The following FAM72D variants were observed in gnomAD, a reference collection of about 807,000 sequenced individuals.
The protein encoded by FAM72D is RUMY family member 4, also known as protein FAM72D.
For missense variants in FAM72D, 9 were observed against 104.7 expected, an observed-to-expected ratio of 0.09 and a Z score of 3.99; for synonymous variants, 4 against 35.1, an observed-to-expected ratio of 0.11 and a Z score of 3.13.
chr1:145,102,010 G>A (rs1654731346), intron 2 of FAM72D, among the ~76,000 whole-genome samples: 1 of 123,434 alleles, frequency 8.1e-6, no homozygotes, highest in Non-Finnish European at 1.7e-5. Context: ...TTTTTTTAAA[G>A]TACTAGCTAA....
chr1:145,100,991 G>C (rs587740381), intron 2 of FAM72D, among the ~76,000 whole-genome samples: 1 of 150,518 alleles, frequency 6.6e-6, no homozygotes, highest in African/African-American at 2.5e-5. Context: ...GCCCAGGCTG[G>C]AGTGCAATGG....
chr1:145,107,229 G>T (rs1340429129), intron 3 of FAM72D, among the ~76,000 whole-genome samples: 1 of 148,452 alleles, frequency 6.7e-6, no homozygotes, highest in African/African-American at 2.5e-5. Flanking sequence ...AGGTGCTGAG[G>T]CACTGAAATA....
chr1:145,096,858 A>G lies in FAM72D; in HGVS notation c.11A>G (p.Asn4Ser). 2.9e-6 allele frequency: 3 copies of G among 1,037,494 alleles called. No individual in the cohort carries two copies. Among genetic ancestry groups the G allele is most frequent in the Non-Finnish European group, 4.0e-6 (3 of 745,602 alleles). The allele number at this position is 1,037,494 out of a possible 1,614,324, so 64.3% of individuals were successfully genotyped here. MST[N>S]ICSFKDRCVS... ...CCTTCCTGCGACGCCATGTCCACCA[A>G]CATTTGTAGTTTCAAGGACAGGTGC... Residue 4 changes from asparagine to serine, a missense_variant, in exon 1 of 4, where the codon AAC (asparagine) becomes AGC (serine). Asn to Ser is a conservative substitution (Grantham distance 46). Transcript: ENST00000400889.
rs1571199053 is a variant in FAM72D, at chr1:145,103,269, CCAGA to C, written c.355+141_355+144del. On this transcript the variant is annotated intron_variant, in intron 3 of 3. Coordinates refer to ENST00000400889, the MANE Select transcript of FAM72D (RefSeq NM_207418.3). ...AGAGTGAAACTTCAATTCTTTTTTCCCAGACATTCACTTATGAAAACTATTAGGC... is the reference window on the plus strand; with the variant it reads ...AGAGTGAAACTTCAATTCTTTTTTCCCATTCACTTATGAAAACTATTAGGC... 264 of 330,950 alleles carry C rather than the reference CCAGA, an allele frequency of 8.0e-4. 3 individuals carry two copies. In the East Asian group the frequency reaches 0.012, roughly 15 times the overall value. 20.5% of individuals were successfully genotyped at this position (330,950 alleles called of 1,614,324 possible). A position where few individuals can be genotyped will look rare whatever the true frequency, so the allele number is the denominator to read the frequency against.
At chr1:145,107,814 TC>T (rs1203324050) in intron 3 of FAM72D, among the ~76,000 whole-genome samples, 2 of 89,672 alleles carry the variant, frequency 2.2e-5, no homozygotes, top group African/African-American at 8.6e-5. Flanking sequence ...CACCTCAGCC[TC>T]CCAAAGTGCT....
At position 145,112,376 on chromosome 1, in the gene FAM72D, G is replaced by C. The variant is rs1459002708; in HGVS notation, c.*779G>C. On this transcript the variant is annotated 3_prime_UTR_variant, in exon 4 of 4. Coordinates refer to ENST00000400889, the MANE Select transcript of FAM72D (RefSeq NM_207418.3). Reference sequence around the variant, plus strand: ...ATCTTAAATAGAAAAAAAAACTAAAGCGATTTGCTTAAGCCATTGTACATT... The same window carrying C: ...ATCTTAAATAGAAAAAAAAACTAAACCGATTTGCTTAAGCCATTGTACATT... The C allele has an allele frequency of 6.6e-6, 1 of 151,350 alleles. No individual in the cohort carries two copies. The highest frequency in any genetic ancestry group is 2.4e-5 in the African/African-American group (1 of 41,014). The allele number at this position is 151,350 out of a possible 1,614,324, so 9.4% of individuals were successfully genotyped here.
intron 3 of FAM72D, among the ~76,000 whole-genome samples, chr1:145,107,255 T>TC (rs200296078): frequency 0.031 from 4,495 of 147,080 alleles, 171 homozygotes; most frequent in African/African-American, 0.1. Context: ...TCTTTTTTTT[T>TC]TTTTTTTGAG....
intron 2 of FAM72D, among the ~76,000 whole-genome samples, chr1:145,100,638 C>A (rs1235383128): frequency 7.1e-6 from 1 of 141,494 alleles, no homozygotes; most frequent in East Asian, 2.2e-4. Flanking sequence ...ACTACAGGCA[C>A]GCACCACCAT....
intron 3 of FAM72D, among the ~76,000 whole-genome samples, chr1:145,106,946 G>C (rs2102555118): frequency 1.1e-5 from 1 of 92,324 alleles, no homozygotes; most frequent in Admixed American, 1.1e-4. Context: ...GCAAGGCCAG[G>C]CATGGTGGCT....
At chr1:145,105,673 C>A (rs1429489450) in intron 3 of FAM72D, among the ~76,000 whole-genome samples, 1 of 150,544 alleles carries the variant, frequency 6.6e-6, no homozygotes, top group Non-Finnish European at 1.5e-5. Flanking sequence ...GAATAAGAGG[C>A]CGGGCGCGGT....
intron 3 of FAM72D, among the ~76,000 whole-genome samples, chr1:145,105,924 C>T (rs1253133972): frequency 1.4e-5 from 2 of 146,792 alleles, no homozygotes; most frequent in Non-Finnish European, 3.0e-5. Context: ...TGCACTCCAG[C>T]CTGGGCAACA....
rs1488156408 is a variant in FAM72D at position 145,102,197 on chromosome 1, A to G, written c.231-810A>G. Among the ~76,000 whole-genome samples the G allele has an allele frequency of 1.5e-4, 11 of 73,820 alleles. No homozygotes were observed. The East Asian group carries it at 3.4e-3, about 23-fold the overall frequency. The allele number at this position is 73,820 out of a possible 152,430, so 48.4% of individuals were successfully genotyped here. A position where few individuals can be genotyped will look rare whatever the true frequency, so the allele number is the denominator to read the frequency against. On this transcript the variant is annotated intron_variant, in intron 2 of 3. Coordinates refer to ENST00000400889, the MANE Select transcript of FAM72D (RefSeq NM_207418.3). Reference sequence around the variant, plus strand: ...TCTGAGTTCCTTCAAAAACACTGAGACTAAAATTAGAGCAGCCAGATTGTA... The same window carrying G: ...TCTGAGTTCCTTCAAAAACACTGAGGCTAAAATTAGAGCAGCCAGATTGTA...
rs1296242280 is a variant in FAM72D at position 145,102,105 on chromosome 1, A to C, written c.231-902A>C. Among the ~76,000 whole-genome samples the C allele has an allele frequency of 3.0e-5, 4 of 132,442 alleles. 1 individual carries two copies. The highest frequency in any genetic ancestry group is 1.2e-4 in the African/African-American group (4 of 32,266). 86.9% of individuals were successfully genotyped at this position (132,442 alleles called of 152,430 possible). A position where few individuals can be genotyped will look rare whatever the true frequency, so the allele number is the denominator to read the frequency against. On this transcript the variant is annotated intron_variant, in intron 2 of 3. Transcript: ENST00000400889. Reference sequence around the variant, plus strand: ...GTGAAAGACTGAGGTACTTATAATCAGCTGGATAATTCTGAAAACTGTAAA... The same window carrying C: ...GTGAAAGACTGAGGTACTTATAATCCGCTGGATAATTCTGAAAACTGTAAA...
At chr1:145,097,401 CAA>C (rs782382122) in intron 1 of FAM72D, among the ~76,000 whole-genome samples, 1 of 36,796 alleles carries the variant, frequency 2.7e-5, no homozygotes. Context: ...AATTTTGCAC[CAA>C]AAAAAAAAAA....
At chr1:145,094,748 CG>C, upstream of FAM72D, 4 of 516,352 alleles carry the variant, frequency 7.7e-6, no homozygotes, top group Non-Finnish European at 6.7e-6. Context: ...CGGGGCGGGC[CG>C]GGGGGTGGGA....
Position 145,102,078 on chromosome 1 carries a change from A to T in FAM72D, c.231-929A>T, listed in dbSNP as rs112984841. Among the ~76,000 whole-genome samples the T allele has an allele frequency of 1.0e-4, 14 of 134,432 alleles. 3 individuals carry two copies. The highest frequency in any genetic ancestry group is 3.6e-4 in the Admixed American group (5 of 14,028). 88.2% of individuals were successfully genotyped at this position (134,432 alleles called of 152,430 possible). On this transcript the variant is annotated intron_variant, in intron 2 of 3. Coordinates refer to ENST00000400889, the MANE Select transcript of FAM72D (RefSeq NM_207418.3). The stretch of plus-strand genomic sequence containing the variant: ...GTGACTAGCTAGTTAAAAAAAAAAA[A>T]TGTGAAAGACTGAGGTACTTATAAT...
At chr1:145,095,248 GC>G, upstream of FAM72D, 1 of 247,876 alleles carries the variant, frequency 4.0e-6, no homozygotes, top group Non-Finnish European at 6.7e-6. Context: ...CGGGTCCCAG[GC>G]CCCCGGCTCC....
chr1:145,100,925 G>A lies in FAM72D; in HGVS notation c.230+1860G>A, dbSNP rs1350367949. Among the ~76,000 whole-genome samples the A allele has an allele frequency of 8.3e-5, 12 of 145,202 alleles. No individual in the cohort carries two copies. The South Asian group carries it at 8.8e-4, about 11-fold the overall frequency. On this transcript the variant is annotated intron_variant, in intron 2 of 3. Coordinates refer to ENST00000400889, the MANE Select transcript of FAM72D (RefSeq NM_207418.3). ...TGTGAGATTACAGGTGTGAGCCACCGCACCTGGGCAACGACATTTTTTTTG... is the reference window on the plus strand; with the variant it reads ...TGTGAGATTACAGGTGTGAGCCACCACACCTGGGCAACGACATTTTTTTTG...
intron 2 of FAM72D, among the ~76,000 whole-genome samples, chr1:145,100,941 AT>A (rs1309288751): frequency 7.1e-6 from 1 of 141,680 alleles, no homozygotes; most frequent in Non-Finnish European, 1.5e-5. Flanking sequence ...GGGCAACGAC[AT>A]TTTTTTTGTT....
Sources: gnomAD v4.1 joint callset for allele counts (sites outside exome capture counted in the v4.1 genomes callset) on GRCh38, gnomAD v4.1.1 for gene constraint, MANE v1.5 for transcripts, NCBI Gene and HGNC (gene_info 2026-07-23, HGNC 2026-07-21) for gene names.